PDZRN3: variants seen among roughly 807,000 people sequenced by gnomAD.
PDZRN3 encodes E3 ubiquitin-protein ligase PDZRN3.
PDZRN3 carries 38 observed loss-of-function variants against 85.7 expected under a neutral mutation model. The ratio of observed to expected loss-of-function variants is 0.44; its 90% CI spans 0.34 to 0.58. PDZRN3 has a LOEUF of 0.58. Among genes scored for constraint, PDZRN3 ranks in the 20% least tolerant of loss-of-function variants. The pLI, the probability that PDZRN3 is intolerant of heterozygous loss-of-function variation, is 0.01. For missense variants in PDZRN3, 1,629 were observed against 1,506.4 expected (o/e 1.08, Z -1.35); for synonymous variants, 759 against 638.0 (o/e 1.19, Z -2.86).
intron 3 of PDZRN3, among the ~76,000 whole-genome samples, chr3:73,472,426 G>A (rs937490284): frequency 6.6e-6 from 1 of 152,172 alleles, no homozygotes; most frequent in African/African-American, 2.4e-5. Context: ...GACTAACCAC[G>A]GTGTTGCTGT....
intron 3 of PDZRN3, among the ~76,000 whole-genome samples, chr3:73,436,580 C>T (rs1003375850): frequency 1.3e-5 from 2 of 152,036 alleles, no homozygotes; most frequent in African/African-American, 4.8e-5. Context: ...AAATCAAAGT[C>T]GAAATGGGCC....
chr3:73,565,457 C>T (rs1701926130), intron 3 of PDZRN3, among the ~76,000 whole-genome samples: 1 of 152,026 alleles, frequency 6.6e-6, no homozygotes, highest in South Asian at 2.1e-4. Context: ...TGGAAGTGAA[C>T]AAGTCACTTA....
chr3:73,452,689 G>A (rs985659459), intron 3 of PDZRN3, among the ~76,000 whole-genome samples: 5 of 152,078 alleles, frequency 3.3e-5, no homozygotes, highest in African/African-American at 1.2e-4. Flanking sequence ...TTTTTGTGGG[G>A]GACCAGATTT....
chr3:73,510,811 T>A (rs757490466), intron 3 of PDZRN3, among the ~76,000 whole-genome samples: 1 of 152,148 alleles, frequency 6.6e-6, no homozygotes, highest in African/African-American at 2.4e-5. Flanking sequence ...TCAGGCACAG[T>A]AAGAGATTAA....
intron 3 of PDZRN3, among the ~76,000 whole-genome samples, chr3:73,530,022 T>C (rs1219121399): frequency 6.6e-6 from 1 of 152,184 alleles, no homozygotes; most frequent in Non-Finnish European, 1.5e-5. Flanking sequence ...ATCATCATCA[T>C]TATTAGCATG....
chr3:73,397,541 C>T (rs3845872), intron 5 of PDZRN3, among the ~76,000 whole-genome samples: 98,547 of 151,846 alleles, frequency 0.65, 32,203 homozygotes, highest in East Asian at 0.86. Context: ...TCTCAGCATG[C>T]GGGGTTTATT....
At chr3:73,542,540 G>A (rs554455577) in intron 3 of PDZRN3, among the ~76,000 whole-genome samples, 7 of 152,222 alleles carry the variant, frequency 4.6e-5, no homozygotes, top group Admixed American at 3.3e-4. Context: ...TTGGGAGGCC[G>A]AGGCAGGTGG....
intron 3 of PDZRN3, among the ~76,000 whole-genome samples, chr3:73,438,065 AAAGTGCCTAAT>A (rs1284562939): frequency 3.3e-5 from 5 of 152,348 alleles, no homozygotes; most frequent in South Asian, 4.1e-4. Flanking sequence ...ACATCACTGG[AAAGTGCCTAAT>A]AAGCTCACCA....
In PDZRN3 at chr3:73,486,860, T is replaced by G. The variant is rs1703672256; in HGVS notation, c.919-82465A>C. ...TTTATTTCATATCAGGAAAACTGAT[T>G]ATTTGGAAAGGACTGGAGAGATATA... On this transcript the variant is annotated intron_variant, in intron 3 of 9. Transcript: ENST00000263666. Among the ~76,000 whole-genome samples the G allele has an allele frequency of 2.0e-5, 3 of 152,222 alleles. No individual in the cohort carries two copies. The South Asian group carries it at 6.2e-4, about 32-fold the overall frequency.
intron 3 of PDZRN3, among the ~76,000 whole-genome samples, chr3:73,528,790 A>G (rs903981562): frequency 1.3e-5 from 2 of 152,080 alleles, no homozygotes; most frequent in Admixed American, 1.3e-4. Flanking sequence ...ACAATCTGGC[A>G]TTGAGGTCTG....
intron 2 of PDZRN3, among the ~76,000 whole-genome samples, chr3:73,605,207 C>CAA (rs767574608): frequency 0.085 from 8,182 of 96,366 alleles, 776 homozygotes; most frequent in African/African-American, 0.24. Context: ...ACCCCCGTCT[C>CAA]AAAAAAAAAA....
intron 3 of PDZRN3, among the ~76,000 whole-genome samples, chr3:73,472,579 G>C (rs1254656585): frequency 2.0e-5 from 3 of 152,176 alleles, no homozygotes; most frequent in Non-Finnish European, 4.4e-5. Context: ...CTGCACCAAA[G>C]CACCATTTAT....
chr3:73,541,343 T>C lies in PDZRN3; in HGVS notation c.918+61011A>G, dbSNP rs182616322. Among the ~76,000 whole-genome samples, 420 of 152,352 alleles carry C rather than the reference T, an allele frequency of 2.8e-3. 1 individual carries two copies. The highest frequency in any genetic ancestry group is 5.3e-3 in the Non-Finnish European group (360 of 68,034). ...TCTCACCATTTAAATATGCCCAATA[T>C]AGCTAACATTTATTGAGTACTCTTT... On this transcript the variant is annotated intron_variant, in intron 3 of 9. Coordinates refer to ENST00000263666, the MANE Select transcript of PDZRN3 (RefSeq NM_015009.3).
At chr3:73,535,356 A>ACACT (rs1322130891) in intron 3 of PDZRN3, among the ~76,000 whole-genome samples, 17 of 152,260 alleles carry the variant, frequency 1.1e-4, no homozygotes, top group African/African-American at 3.9e-4. Flanking sequence ...CCAATATATC[A>ACACT]TCAAGATATG....
In PDZRN3 at chr3:73,384,348, G is replaced by A. The variant is rs1193802485; in HGVS notation, c.2218C>T (p.Leu740Phe). The A allele has an allele frequency of 1.2e-6, 2 of 1,609,964 alleles. No individual in the cohort carries two copies. The highest frequency in any genetic ancestry group is 1.3e-5 in the African/African-American group (1 of 74,952). The change falls in exon 10 of 10, where the codon CTC (leucine) becomes TTC (phenylalanine). Residue 740 changes from leucine (L) to phenylalanine (F), a missense_variant. Physicochemically the swap from Leu to Phe is conservative, Grantham distance 22. Transcript: ENST00000263666. The stretch of plus-strand genomic sequence containing the variant: ...TCCGGGAGCTCGGTGATATCTGAGA[G>A]CTCGTGTCTGCGCACGTCGATGCTG... ...NTSIDVRRHE[L>F]SDITELPEKS...
chr3:73,405,877 A>G (rs927076202), intron 3 of PDZRN3, among the ~76,000 whole-genome samples: 1 of 152,172 alleles, frequency 6.6e-6, no homozygotes, highest in African/African-American at 2.4e-5. Context: ...TTGGTTGTAA[A>G]GCTGTTTTTC....
At chr3:73,396,382 G>T (rs943569124) in intron 5 of PDZRN3, among the ~76,000 whole-genome samples, 7 of 152,128 alleles carry the variant, frequency 4.6e-5, no homozygotes, top group Admixed American at 2.0e-4. Context: ...TGCAGGCATA[G>T]TACAAAAAAT....
intron 3 of PDZRN3, among the ~76,000 whole-genome samples, chr3:73,506,769 G>A (rs145238753): frequency 9.2e-5 from 14 of 152,066 alleles, no homozygotes; most frequent in South Asian, 4.2e-4. Context: ...CTTCAGGCAC[G>A]GTGGCTCATG....
At chr3:73,518,877 G>A (rs1257156047) in intron 3 of PDZRN3, among the ~76,000 whole-genome samples, 1 of 152,140 alleles carries the variant, frequency 6.6e-6, no homozygotes, top group Non-Finnish European at 1.5e-5. Context: ...CGTGAAGATG[G>A]GGTTTCAACC....
Sources: allele counts gnomAD v4.1 joint callset (sites outside exome capture counted in the v4.1 genomes callset), GRCh38; gene constraint gnomAD v4.1.1; transcripts MANE v1.5; gene names NCBI Gene and HGNC (gene_info 2026-07-23, HGNC 2026-07-21).